UBTD2: variants seen among roughly 807,000 people sequenced by gnomAD.
The protein encoded by UBTD2 is ubiquitin domain containing 2.
A neutral mutation model predicts 19.8 loss-of-function variants in UBTD2; 9 were observed. The ratio of observed to expected loss-of-function variants is 0.46; its 90% CI spans 0.27 to 0.79. The LOEUF is 0.79. UBTD2 is among the 30% of genes least tolerant of loss of function. The pLI is 0.14. For missense variants in UBTD2, 250 were observed against 300.4 expected (o/e 0.83, Z 1.24); for synonymous variants, 98 against 103.9 (o/e 0.94, Z 0.35).
At chr5:172,238,685 A>C (rs997636464) in intron 1 of UBTD2, among the ~76,000 whole-genome samples, 8 of 152,254 alleles carry the variant, frequency 5.3e-5, no homozygotes, top group Non-Finnish European at 5.9e-5. Flanking sequence ...AATTTAAAGC[A>C]TTCTACCAAA....
Position 172,269,266 on chromosome 5 carries a change from G to T in UBTD2, c.70+14330C>A, listed in dbSNP as rs142937323. Among the ~76,000 whole-genome samples the T allele has an allele frequency of 1.1e-4, 17 of 152,038 alleles. No individual in the cohort carries two copies. In the East Asian group the frequency reaches 2.9e-3, roughly 26 times the overall value. On this transcript the variant is annotated intron_variant, in intron 1 of 2. Transcript: ENST00000393792. Reference sequence around the variant, plus strand: ...GCACTTCGGGAGGCCAAGGCAGGTGGATCATTTAAGGTTAGGAGTTGGAGA... The same window carrying T: ...GCACTTCGGGAGGCCAAGGCAGGTGTATCATTTAAGGTTAGGAGTTGGAGA...
At position 172,211,839 on chromosome 5, in the gene UBTD2, C is replaced by T. The variant is rs925759018; in HGVS notation, c.696G>A (p.Val232=). 2.5e-6 allele frequency: 4 copies of T among 1,608,414 alleles called. No individual in the cohort carries two copies. The highest frequency in any genetic ancestry group is 3.4e-6 in the Non-Finnish European group (4 of 1,176,006). ...VSQPVQNPTP[V]EN ...GCCAACAGGGCTCAGTTCAGTTCTCCACTGGTGTTGGGTTCTGCACAGGTT... is the reference window on the plus strand; with the variant it reads ...GCCAACAGGGCTCAGTTCAGTTCTCTACTGGTGTTGGGTTCTGCACAGGTT... Residue 232 remains valine, a synonymous_variant, in exon 3 of 3, where the codon GTG becomes GTA. Coordinates refer to ENST00000393792, the MANE Select transcript of UBTD2 (RefSeq NM_152277.3).
chr5:172,248,086 C>A (rs1282013164), intron 1 of UBTD2, among the ~76,000 whole-genome samples: 2 of 151,910 alleles, frequency 1.3e-5, no homozygotes, highest in African/African-American at 4.8e-5. Flanking sequence ...AAAGAAATTA[C>A]AAGGAAAATG....
At position 172,241,052 on chromosome 5, in the gene UBTD2, C is replaced by CT. The variant is rs35160270; in HGVS notation, c.71-6695dup. Among the ~76,000 whole-genome samples, 753 of 147,316 alleles carry CT rather than the reference C, an allele frequency of 5.1e-3. 5 individuals carry two copies. Among genetic ancestry groups the CT allele is most frequent in the African/African-American group, 0.012 (500 of 40,458 alleles). ...GGGCAATGGCTTTACCATGAGTTAA[C>CT]TTTTTTTTTTTTTTATTGTAGAGAC... On this transcript the variant is annotated intron_variant, in intron 1 of 2. Coordinates refer to ENST00000393792, the MANE Select transcript of UBTD2 (RefSeq NM_152277.3).
At chr5:172,215,259 G>T (rs1223792299) in intron 2 of UBTD2, among the ~76,000 whole-genome samples, 1 of 152,206 alleles carries the variant, frequency 6.6e-6, no homozygotes, top group Non-Finnish European at 1.5e-5. Context: ...GGTTGGAGGA[G>T]GGTGCAAAAG....
At chr5:172,247,750 T>A (rs1754910618) in intron 1 of UBTD2, among the ~76,000 whole-genome samples, 1 of 152,152 alleles carries the variant, frequency 6.6e-6, no homozygotes, top group South Asian at 2.1e-4. Flanking sequence ...AACCTCAATA[T>A]CCTATTTTCA....
At chr5:172,247,978 A>G (rs1409502738) in intron 1 of UBTD2, among the ~76,000 whole-genome samples, 1 of 152,252 alleles carries the variant, frequency 6.6e-6, no homozygotes, top group African/African-American at 2.4e-5. Context: ...ATACAAAGTT[A>G]TCTTCTATGA....
intron 1 of UBTD2, among the ~76,000 whole-genome samples, chr5:172,273,164 G>C (rs1049053987): frequency 6.6e-6 from 1 of 151,658 alleles, no homozygotes; most frequent in Non-Finnish European, 1.5e-5. Flanking sequence ...AGTTAGAAGA[G>C]TAAAAATTGC....
intron 1 of UBTD2, among the ~76,000 whole-genome samples, chr5:172,245,595 C>G (rs1313377206): frequency 6.6e-6 from 1 of 151,990 alleles, no homozygotes; most frequent in Non-Finnish European, 1.5e-5. Context: ...GCCTGTAATC[C>G]CAGCTACTTG....
chr5:172,216,045 T>C (rs1043097920), intron 2 of UBTD2, among the ~76,000 whole-genome samples: 4 of 151,988 alleles, frequency 2.6e-5, no homozygotes, highest in East Asian at 1.9e-4. Flanking sequence ...GCGCTTGTAA[T>C]AATCCCAGCT....
chr5:172,222,436 A>G (rs1771670401), intron 2 of UBTD2, among the ~76,000 whole-genome samples: 1 of 152,244 alleles, frequency 6.6e-6, no homozygotes, highest in South Asian at 2.1e-4. Flanking sequence ...CACTGAGGAA[A>G]GAAGGTTATA....
intron 1 of UBTD2, among the ~76,000 whole-genome samples, chr5:172,244,082 A>G (rs1772187729): frequency 6.6e-6 from 1 of 151,988 alleles, no homozygotes; most frequent in Non-Finnish European, 1.5e-5. Context: ...ATCTTCCTAC[A>G]TATTCTGGTG....
Position 172,212,101 on chromosome 5 carries a change from G to A in UBTD2, c.434C>T (p.Pro145Leu), listed in dbSNP as rs779943774. The A allele has an allele frequency of 1.9e-6, 3 of 1,614,100 alleles. No homozygotes were observed. The highest frequency in any genetic ancestry group is 2.7e-5 in the African/African-American group (2 of 74,920). Residue 145 changes from proline to leucine, a missense_variant, in exon 3 of 3, where the codon CCA becomes CTA. Physicochemically the swap from Pro to Leu is moderately conservative, Grantham distance 98 (BLOSUM62 -3). Transcript: ENST00000393792. ...CTGACATTCATATCCAGAATTGGGT[G>A]GTGGCTCAGGAATATCCAGAGTCTC... ...DIETLDIPEP[P>L]PNSGYECQLR... is the part of the protein sequence containing the mutation.
intron 1 of UBTD2, among the ~76,000 whole-genome samples, chr5:172,258,084 C>T (rs1755196145): frequency 6.6e-6 from 1 of 152,132 alleles, no homozygotes; most frequent in African/African-American, 2.4e-5. Context: ...TTTGCCAGGG[C>T]CTATGTCCAG....
chr5:172,226,941 CAT>C (rs1771778184), intron 2 of UBTD2, among the ~76,000 whole-genome samples: 1 of 152,154 alleles, frequency 6.6e-6, no homozygotes. Flanking sequence ...TTGTTGATGT[CAT>C]ATGATAGGCA....
At chr5:172,273,636 TTCCAA>T (rs1462327656) in intron 1 of UBTD2, among the ~76,000 whole-genome samples, 1 of 138,208 alleles carries the variant, frequency 7.2e-6, no homozygotes, top group Non-Finnish European at 1.5e-5. Flanking sequence ...CCAACATAAA[TTCCAA>T]TCCTTTATTG....
intron 1 of UBTD2, among the ~76,000 whole-genome samples, chr5:172,259,283 C>T (rs2046891): frequency 0.3 from 45,124 of 151,822 alleles, 6,834 homozygotes; most frequent in South Asian, 0.42. Context: ...GCTGGGACTA[C>T]AGGTACCCAC....
chr5:172,215,371 G>T (rs1036145540), intron 2 of UBTD2, among the ~76,000 whole-genome samples: 3 of 152,148 alleles, frequency 2.0e-5, no homozygotes, highest in African/African-American at 7.2e-5. Flanking sequence ...TGGGAGAAGA[G>T]AAATACCCAG....
At chr5:172,282,317 T>A (rs1458789672) in intron 1 of UBTD2, among the ~76,000 whole-genome samples, 1 of 152,176 alleles carries the variant, frequency 6.6e-6, no homozygotes, top group African/African-American at 2.4e-5. Flanking sequence ...AAATACACTA[T>A]AAAGTAGCAT....
Sources: gnomAD v4.1 joint callset for allele counts (sites outside exome capture counted in the v4.1 genomes callset) on GRCh38, gnomAD v4.1.1 for gene constraint, MANE v1.5 for transcripts, NCBI Gene and HGNC (gene_info 2026-07-23, HGNC 2026-07-21) for gene names.